Variants in KCNH7 observed in about 807,000 individuals in gnomAD.
The protein encoded by KCNH7 is voltage-gated inwardly rectifying potassium channel KCNH7.
A neutral mutation model predicts 120.8 loss-of-function variants in KCNH7; 49 were observed. The observed-to-expected ratio is 0.41, with a 90% confidence interval of 0.32 to 0.51. KCNH7 has a LOEUF of 0.51. Ranked by LOEUF, KCNH7 falls within the 20% of genes least tolerant of loss-of-function variation. The pLI is 0.38. For synonymous variants in KCNH7, 547 were observed against 516.1 expected, an observed-to-expected ratio of 1.06 and a Z score of -0.81; for missense variants, 1,097 against 1,446.6, an observed-to-expected ratio of 0.76 and a Z score of 3.92.
At chr2:162,647,855 T>G (rs1049011153) in intron 2 of KCNH7, among the ~76,000 whole-genome samples, 1 of 152,172 alleles carries the variant, frequency 6.6e-6, no homozygotes, top group Non-Finnish European at 1.5e-5. Flanking sequence ...CCTAAACACC[T>G]TGGGAATAAG....
At chr2:162,391,899 G>C (rs1686756319) in intron 12 of KCNH7, among the ~76,000 whole-genome samples, 1 of 151,996 alleles carries the variant, frequency 6.6e-6, no homozygotes, top group African/African-American at 2.4e-5. Context: ...CTTAATAGTA[G>C]TGGTTCTGAT....
At chr2:162,377,751 G>A (rs1200066806) in intron 14 of KCNH7, among the ~76,000 whole-genome samples, 1 of 152,058 alleles carries the variant, frequency 6.6e-6, no homozygotes, top group African/African-American at 2.4e-5. Context: ...ACTCCATTTT[G>A]ATTTTGACTA....
At chr2:162,406,078 C>T (rs1268733208) in intron 9 of KCNH7, among the ~76,000 whole-genome samples, 5 of 151,938 alleles carry the variant, frequency 3.3e-5, no homozygotes, top group African/African-American at 9.7e-5. Context: ...AACTATTACT[C>T]TTTCCTCAAA....
intron 2 of KCNH7, among the ~76,000 whole-genome samples, chr2:162,800,294 G>T (rs1192306196): frequency 6.6e-6 from 1 of 151,444 alleles, no homozygotes; most frequent in African/African-American, 2.4e-5. Flanking sequence ...AATAGAGACG[G>T]GAAATATTTA....
intron 2 of KCNH7, among the ~76,000 whole-genome samples, chr2:162,784,133 G>A (rs1001116906): frequency 6.6e-6 from 1 of 151,964 alleles, no homozygotes; most frequent in Non-Finnish European, 1.5e-5. Flanking sequence ...CAGACTGCCT[G>A]TAGAAGAGCA....
chr2:162,518,772 T>G (rs1056385494), intron 3 of KCNH7, among the ~76,000 whole-genome samples: 1 of 151,140 alleles, frequency 6.6e-6, no homozygotes, highest in Non-Finnish European at 1.5e-5. Context: ...TAAAGAGCGA[T>G]GTACTGTACT....
chr2:162,525,430 T>C (rs1440349149), intron 3 of KCNH7, among the ~76,000 whole-genome samples: 1 of 151,776 alleles, frequency 6.6e-6, no homozygotes, highest in Non-Finnish European at 1.5e-5. Flanking sequence ...TGAATTTGGA[T>C]AAGGGAGATA....
intron 2 of KCNH7, among the ~76,000 whole-genome samples, chr2:162,695,110 A>G (rs1442236038): frequency 1.3e-5 from 2 of 151,840 alleles, no homozygotes; most frequent in African/African-American, 4.9e-5. Flanking sequence ...CAATTAGTGG[A>G]GAAGATTTTT....
chr2:162,442,321 C>T (rs1004471829), intron 7 of KCNH7, among the ~76,000 whole-genome samples: 8 of 151,704 alleles, frequency 5.3e-5, no homozygotes, highest in African/African-American at 1.5e-4. Flanking sequence ...CCACTGCGCC[C>T]GGCCGTGACA....
At chr2:162,377,204 G>A (rs535807515) in intron 14 of KCNH7, among the ~76,000 whole-genome samples, 1 of 151,736 alleles carries the variant, frequency 6.6e-6, no homozygotes, top group Non-Finnish European at 1.5e-5. Context: ...GAGGTGAAAG[G>A]TTGTTAAAAA....
At chr2:162,470,168 A>G (rs928444291) in intron 6 of KCNH7, among the ~76,000 whole-genome samples, 53 of 143,060 alleles carry the variant, frequency 3.7e-4, no homozygotes, top group Non-Finnish European at 6.4e-4. Flanking sequence ...CTGGCCGCCC[A>G]TCGTCTGGGA....
At chr2:162,652,641 T>A (rs749264532) in intron 2 of KCNH7, among the ~76,000 whole-genome samples, 18 of 152,122 alleles carry the variant, frequency 1.2e-4, no homozygotes, top group Non-Finnish European at 2.4e-4. Flanking sequence ...TAATGGTCGC[T>A]CATCTACCAC....
chr2:162,475,601 G>T (rs1689707521), intron 6 of KCNH7, among the ~76,000 whole-genome samples: 1 of 152,138 alleles, frequency 6.6e-6, no homozygotes, highest in South Asian at 2.1e-4. Flanking sequence ...TAAAGATGAG[G>T]TTATTATGCC....
intron 6 of KCNH7, among the ~76,000 whole-genome samples, chr2:162,498,567 G>A (rs1690575382): frequency 6.6e-6 from 1 of 151,916 alleles, no homozygotes; most frequent in Non-Finnish European, 1.5e-5. Flanking sequence ...TCTCTGCAAT[G>A]GGCCACTGCT....
intron 2 of KCNH7, among the ~76,000 whole-genome samples, chr2:162,663,046 G>C (rs553278926): frequency 2.0e-5 from 3 of 152,284 alleles, no homozygotes; most frequent in Admixed American, 6.5e-5. Flanking sequence ...TTACATGGTG[G>C]TTATTAGGAT....
intron 12 of KCNH7, among the ~76,000 whole-genome samples, chr2:162,385,460 C>A (rs1028995696): frequency 4.6e-5 from 7 of 151,884 alleles, no homozygotes; most frequent in Non-Finnish European, 1.0e-4. Flanking sequence ...ATGGCCTTGG[C>A]ATTCCAGGCA....
At chr2:162,806,321 A>C (rs982067210) in intron 2 of KCNH7, among the ~76,000 whole-genome samples, 9 of 152,192 alleles carry the variant, frequency 5.9e-5, no homozygotes, top group African/African-American at 2.2e-4. Flanking sequence ...TTCTCTCCAT[A>C]CGTCACCTTC....
chr2:162,576,707 A>G (rs1450561537), intron 2 of KCNH7, among the ~76,000 whole-genome samples: 1 of 151,984 alleles, frequency 6.6e-6, no homozygotes, highest in Non-Finnish European at 1.5e-5. Context: ...GTGGTAAAAC[A>G]TACACTTTTA....
chr2:162,541,760 C>G (rs142996523), intron 2 of KCNH7, among the ~76,000 whole-genome samples: 16 of 152,118 alleles, frequency 1.1e-4, no homozygotes, highest in African/African-American at 3.9e-4. Flanking sequence ...ACCTAGGAGA[C>G]AGAATGATCT....
Sources: gnomAD v4.1 joint callset for allele counts (sites outside exome capture counted in the v4.1 genomes callset) on GRCh38, gnomAD v4.1.1 for gene constraint, MANE v1.5 for transcripts, NCBI Gene and HGNC (gene_info 2026-07-23, HGNC 2026-07-21) for gene names.